Variants in LRRC72 observed in about 807,000 individuals in gnomAD.
The protein encoded by LRRC72 is leucine rich repeat containing 72.
Under a neutral mutation model 35.8 loss-of-function variants are expected in LRRC72, and 41 were observed. The observed-to-expected ratio is 1.15, with a 90% CI of 0.89 to 1.49. The LOEUF (loss-of-function observed/expected upper bound fraction) is 1.49, where lower values mean the gene tolerates loss of function less well. Among genes scored for constraint, LRRC72 ranks in the 40% most tolerant of loss-of-function variants. The pLI is 0.00. For missense variants in LRRC72, 389 were observed against 330.7 expected (o/e 1.18, Z -1.37); for synonymous variants, 118 against 119.2 (o/e 0.99, Z 0.07).
intron 2 of LRRC72, among the ~76,000 whole-genome samples, chr7:16,533,458 A>T (rs1452195159): frequency 6.6e-6 from 1 of 152,114 alleles, no homozygotes; most frequent in Non-Finnish European, 1.5e-5. Context: ...CAATGACCCT[A>T]TTCCTACATT....
At chr7:16,573,334 C>CT (rs1782981148) in intron 7 of LRRC72, among the ~76,000 whole-genome samples, 2 of 152,198 alleles carry the variant, frequency 1.3e-5, no homozygotes, top group South Asian at 4.1e-4. Context: ...AAAAAAGAGC[C>CT]TGTATAGCCA....
At position 16,558,958 on chromosome 7, in the gene LRRC72, C is replaced by G; in HGVS notation, c.386C>G (p.Thr129Arg). ...HHNELTNIDATVKELKGMLNL... is the reference protein window; with the variant it reads ...HHNELTNIDARVKELKGMLNL... ...AATGAGCTAACCAACATTGATGCAA[C>G]AGTGAAGGAATTAAAGGGAATGCTA... The change falls in exon 5 of 9, where the codon ACA becomes AGA. Residue 129 changes from threonine to arginine, a missense_variant. By Grantham distance (71) the Thr-to-Arg change is moderately conservative (BLOSUM62 -1). Coordinates refer to ENST00000401542, the MANE Select transcript of LRRC72 (RefSeq NM_001195280.2). 6.5e-7 allele frequency: 1 copy of G among 1,535,720 alleles called. No homozygotes were observed. The highest frequency in any genetic ancestry group is 8.8e-7 in the Non-Finnish European group (1 of 1,137,774).
chr7:16,547,424 C>T (rs1412466916), intron 3 of LRRC72, among the ~76,000 whole-genome samples: 1 of 152,074 alleles, frequency 6.6e-6, no homozygotes, highest in South Asian at 2.1e-4. Flanking sequence ...TGGCTGCAAC[C>T]TGGGCACCCC....
chr7:16,535,671 T>C (rs1294845498), intron 2 of LRRC72, among the ~76,000 whole-genome samples: 1 of 152,188 alleles, frequency 6.6e-6, no homozygotes, highest in African/African-American at 2.4e-5. Flanking sequence ...ACCAAATGAC[T>C]GAATTTAGCT....
chr7:16,549,928 A>T (rs930758028), intron 3 of LRRC72, among the ~76,000 whole-genome samples: 4 of 152,256 alleles, frequency 2.6e-5, no homozygotes, highest in African/African-American at 9.6e-5. Context: ...TTATTAAATT[A>T]ACAGATGTTT....
intron 6 of LRRC72, among the ~76,000 whole-genome samples, chr7:16,566,783 C>T (rs781477744): frequency 3.7e-4 from 56 of 152,144 alleles, no homozygotes; most frequent in Non-Finnish European, 5.0e-4. Context: ...TTCTAAAAGT[C>T]GTGATTTAAA....
At chr7:16,562,979 T>C (rs933624711) in intron 5 of LRRC72, among the ~76,000 whole-genome samples, 1 of 152,136 alleles carries the variant, frequency 6.6e-6, no homozygotes, top group African/African-American at 2.4e-5. Flanking sequence ...TAAAACAAGA[T>C]GGTGATTAAC....
intron 3 of LRRC72, among the ~76,000 whole-genome samples, chr7:16,554,160 T>A (rs566083763): frequency 6.6e-6 from 1 of 151,942 alleles, no homozygotes; most frequent in Non-Finnish European, 1.5e-5. Context: ...GAAACCCCCA[T>A]CTCTACTAAA....
Position 16,537,642 on chromosome 7 carries a change from C to A in LRRC72, c.180C>A (p.Val60=). 1 of 1,527,392 alleles carries A rather than the reference C, an allele frequency of 6.5e-7. No homozygotes were observed. Among genetic ancestry groups the A allele is most frequent in the South Asian group, 1.2e-5 (1 of 80,424 alleles). The allele number at this position is 1,527,392 out of a possible 1,614,324, so 94.6% of individuals were successfully genotyped here. Residue 60 remains valine (V), a synonymous_variant, in exon 3 of 9, where the codon GTC becomes GTA. Coordinates refer to ENST00000401542, the MANE Select transcript of LRRC72 (RefSeq NM_001195280.2). ...TTCTTTCCAGGGAACTGACAGAGGT[C>A]ATTGATCTTTCTAGGTTTAAAAAAT... ...LFLSKKELTE[V]IDLSRFKKLK... is the part of the protein sequence containing the mutation.
At chr7:16,546,479 T>TG (rs34547939) in intron 3 of LRRC72, among the ~76,000 whole-genome samples, 1 of 152,064 alleles carries the variant, frequency 6.6e-6, no homozygotes, top group Non-Finnish European at 1.5e-5. Flanking sequence ...AAATGCTCCC[T>TG]GGGGGGCAAA....
chr7:16,564,808 A>ATTT (rs11442050), intron 5 of LRRC72, among the ~76,000 whole-genome samples: 1 of 148,684 alleles, frequency 6.7e-6, no homozygotes. Context: ...CAGATGATTG[A>ATTT]TTTTTTTTTT....
intron 8 of LRRC72, among the ~76,000 whole-genome samples, 199 bp from the exon 9 acceptor site, chr7:16,581,125 A>T: frequency 6.6e-6 from 1 of 152,342 alleles, no homozygotes; most frequent in East Asian, 1.9e-4. Context: ...TTATAAAATA[A>T]ACAATATATA....
chr7:16,566,125 G>T (rs912519973), intron 5 of LRRC72, among the ~76,000 whole-genome samples, 188 bp from the exon 6 acceptor site: 1 of 152,174 alleles, frequency 6.6e-6, no homozygotes, highest in African/African-American at 2.4e-5. Flanking sequence ...TTGAATGAAT[G>T]AATTTAACAG....
rs533273855 is a variant in LRRC72, at chr7:16,526,857, G to A, written c.-96G>A. The stretch of plus-strand genomic sequence containing the variant: ...GGGAATGCGGTAACTGTTGGTAACA[G>A]AACAACGAGCTGTGCACCAAGCCAA... On this transcript the variant is annotated 5_prime_UTR_variant, in exon 1 of 9. Transcript: ENST00000401542. 9.3e-6 allele frequency: 9 copies of A among 968,046 alleles called. No homozygotes were observed. The highest frequency in any genetic ancestry group is 1.4e-5 in the South Asian group (1 of 71,842). 60.0% of individuals were successfully genotyped at this position (968,046 alleles called of 1,614,324 possible).
At chr7:16,555,498 C>T (rs1439279319) in intron 3 of LRRC72, among the ~76,000 whole-genome samples, 2 of 152,170 alleles carry the variant, frequency 1.3e-5, no homozygotes, top group Non-Finnish European at 1.5e-5. Context: ...CCTGGCCGGA[C>T]ATGGTGGCTC....
At chr7:16,565,305 C>T (rs1033934585) in intron 5 of LRRC72, among the ~76,000 whole-genome samples, 1 of 151,950 alleles carries the variant, frequency 6.6e-6, no homozygotes, top group Non-Finnish European at 1.5e-5. Context: ...TGGTGGCAGG[C>T]GCCTGTAATC....
chr7:16,538,509 G>C (rs957179928), intron 3 of LRRC72, among the ~76,000 whole-genome samples: 6 of 152,052 alleles, frequency 3.9e-5, no homozygotes, highest in African/African-American at 1.4e-4. Context: ...TCACCCTCAC[G>C]TGCAGAATCC....
At chr7:16,579,509 C>T (rs189049222) in intron 7 of LRRC72, among the ~76,000 whole-genome samples, 52 of 152,200 alleles carry the variant, frequency 3.4e-4, no homozygotes, top group African/African-American at 1.3e-3. Flanking sequence ...AAAGCAGTGA[C>T]AGTCTCTGGA....
rs575796505 is a variant in LRRC72, at chr7:16,540,095, C to T, written c.234+2399C>T. On this transcript the variant is annotated intron_variant, in intron 3 of 8. Coordinates refer to ENST00000401542, the MANE Select transcript of LRRC72 (RefSeq NM_001195280.2). ...TTGCACCATGTGCCTAGAAAAGCCA[C>T]AGGGACTCAATGCCAGCTCATGAAA... is the stretch of plus-strand genomic sequence containing the variant. Among the ~76,000 whole-genome samples the T allele has an allele frequency of 3.0e-4, 46 of 152,326 alleles. 1 individual carries two copies. In the South Asian group the frequency reaches 9.3e-3, roughly 31 times the overall value.
Sources: allele counts gnomAD v4.1 joint callset (sites outside exome capture counted in the v4.1 genomes callset), GRCh38; gene constraint gnomAD v4.1.1; transcripts MANE v1.5; gene names NCBI Gene and HGNC (gene_info 2026-07-23, HGNC 2026-07-21).